Variants in PPP2R2B observed in about 807,000 individuals in gnomAD.
PPP2R2B encodes the protein serine/threonine-protein phosphatase 2A 55 kDa regulatory subunit B beta isoform.
PPP2R2B carries 5 observed loss-of-function variants against 46.0 expected under a neutral mutation model. That is an observed-to-expected ratio of 0.11 (90% confidence interval 0.06 to 0.23). The LOEUF (loss-of-function observed/expected upper bound fraction) is 0.23. Among genes scored for constraint, PPP2R2B ranks in the 10% least tolerant of loss-of-function variants. The pLI is 1.00. For missense variants in PPP2R2B, 367 were observed against 575.0 expected, an observed-to-expected ratio of 0.64 and a Z score of 3.70; for synonymous variants, 215 against 206.7, an observed-to-expected ratio of 1.04 and a Z score of -0.34.
intron 5 of PPP2R2B, among the ~76,000 whole-genome samples, chr5:146,669,055 T>C (rs931814909): frequency 6.6e-6 from 1 of 152,186 alleles, no homozygotes. Flanking sequence ...AAGGGAAAAC[T>C]AATCATAGAG....
intron 6 of PPP2R2B, among the ~76,000 whole-genome samples, chr5:146,647,506 G>C (rs1382155326): frequency 6.6e-6 from 1 of 152,200 alleles, no homozygotes; most frequent in Non-Finnish European, 1.5e-5. Flanking sequence ...TTCTCATGAT[G>C]ACAATGATTA....
At chr5:147,058,073 G>A (rs7724608), upstream of PPP2R2B, among the ~76,000 whole-genome samples, 82,421 of 151,864 alleles carry the variant, frequency 0.54, 23,020 homozygotes, top group Middle Eastern at 0.67. Context: ...AACTCTTGAG[G>A]GGGAGATCAA....
At chr5:146,974,931 C>T (rs778436538) in intron 1 of PPP2R2B, among the ~76,000 whole-genome samples, 1 of 152,046 alleles carries the variant, frequency 6.6e-6, no homozygotes, top group Non-Finnish European at 1.5e-5. Flanking sequence ...CCTCGTGATC[C>T]GCCCACCTCT....
intron 1 of PPP2R2B, among the ~76,000 whole-genome samples, chr5:146,955,383 A>G (rs1446899455): frequency 6.6e-6 from 1 of 152,200 alleles, no homozygotes; most frequent in Non-Finnish European, 1.5e-5. Context: ...GGTAATGCCA[A>G]TGCCTAGACT....
intron 1 of PPP2R2B, among the ~76,000 whole-genome samples, chr5:147,017,816 A>G (rs567225922): frequency 6.6e-6 from 1 of 152,280 alleles, no homozygotes; most frequent in African/African-American, 2.4e-5. Context: ...AGATGATGTC[A>G]TGTAAACAAA....
intron 1 of PPP2R2B, among the ~76,000 whole-genome samples, chr5:146,905,354 C>T (rs1762962904): frequency 6.6e-6 from 1 of 152,126 alleles, no homozygotes. Flanking sequence ...AAAGCATGTC[C>T]ACACAAACAT....
chr5:146,799,283 AAGAC>A (rs1174749537), intron 2 of PPP2R2B, among the ~76,000 whole-genome samples: 1 of 152,236 alleles, frequency 6.6e-6, no homozygotes. Context: ...TTTTAACAGA[AAGAC>A]AGAAAGAGAA....
At chr5:146,952,570 C>T (rs2151836478) in intron 1 of PPP2R2B, among the ~76,000 whole-genome samples, 1 of 152,254 alleles carries the variant, frequency 6.6e-6, no homozygotes, top group African/African-American at 2.4e-5. Context: ...CTGCCCAGTT[C>T]CAACCCTTTC....
At chr5:146,772,561 C>T (rs1022316041) in intron 2 of PPP2R2B, among the ~76,000 whole-genome samples, 1 of 151,626 alleles carries the variant, frequency 6.6e-6, no homozygotes, top group Non-Finnish European at 1.5e-5. Flanking sequence ...TTCTGTGTTT[C>T]CATGTTTATA....
intron 5 of PPP2R2B, among the ~76,000 whole-genome samples, chr5:146,668,187 G>A (rs1178161272): frequency 1.3e-5 from 2 of 151,608 alleles, no homozygotes; most frequent in Non-Finnish European, 2.9e-5. Context: ...TAAAGAAAAC[G>A]ATTAATTCTC....
intron 1 of PPP2R2B, among the ~76,000 whole-genome samples, chr5:146,964,355 A>G (rs1193692706): frequency 3.9e-5 from 6 of 152,232 alleles, no homozygotes; most frequent in Admixed American, 3.9e-4. Flanking sequence ...TGGGAGATTT[A>G]TGATAAACAT....
At chr5:146,689,156 A>G (rs1778680298) in intron 5 of PPP2R2B, among the ~76,000 whole-genome samples, 1 of 152,186 alleles carries the variant, frequency 6.6e-6, no homozygotes, top group Non-Finnish European at 1.5e-5. Flanking sequence ...GAAGGGAACT[A>G]ACATCATTGA....
At position 147,023,414 on chromosome 5, in the gene PPP2R2B, T is replaced by C. The variant is rs564421127; in HGVS notation, c.79+32251A>G. Among the ~76,000 whole-genome samples the C allele has an allele frequency of 3.3e-5, 5 of 152,224 alleles. No individual in the cohort carries two copies. The East Asian group carries it at 9.7e-4, about 29-fold the overall frequency. On this transcript the variant is annotated intron_variant, in intron 1 of 8. Coordinates refer to the PPP2R2B transcript ENST00000336640. ...CAAGATGGTAAATTTAAAAATGGAA[T>C]GAGCTCACCAATTAAAAAGCGTAGA...
intron 2 of PPP2R2B, among the ~76,000 whole-genome samples, chr5:146,799,852 T>C (rs1248916499): frequency 1.3e-5 from 2 of 152,198 alleles, no homozygotes; most frequent in East Asian, 3.9e-4. Context: ...AGGCCATTTG[T>C]TTTACAACAA....
intron 1 of PPP2R2B, among the ~76,000 whole-genome samples, chr5:146,936,223 C>T (rs778862925): frequency 1.3e-5 from 2 of 152,056 alleles, no homozygotes; most frequent in Non-Finnish European, 2.9e-5. Flanking sequence ...TTAGCCCTAT[C>T]CTTTGTTTCA....
At chr5:146,750,317 A>G (rs1937157812) in intron 2 of PPP2R2B, among the ~76,000 whole-genome samples, 1 of 152,166 alleles carries the variant, frequency 6.6e-6, no homozygotes, top group South Asian at 2.1e-4. Context: ...GAATAATCAG[A>G]TCTGTATTTA....
intron 6 of PPP2R2B, among the ~76,000 whole-genome samples, chr5:146,647,633 T>C (rs1005515343): frequency 6.6e-6 from 1 of 152,124 alleles, no homozygotes; most frequent in Non-Finnish European, 1.5e-5. Context: ...TATTTCCCCT[T>C]TGCATTCTCC....
intron 1 of PPP2R2B, among the ~76,000 whole-genome samples, chr5:146,951,562 C>A (rs981485223): frequency 6.6e-6 from 1 of 152,066 alleles, no homozygotes; most frequent in Non-Finnish European, 1.5e-5. Context: ...TCCCTGAGTT[C>A]ATGTGTTCTC....
chr5:146,990,186 C>T (rs951765661), intron 1 of PPP2R2B, among the ~76,000 whole-genome samples: 2 of 151,500 alleles, frequency 1.3e-5, no homozygotes, highest in African/African-American at 2.4e-5. Context: ...AGTGCAATTT[C>T]TGTCAAAATA....
Sources: gnomAD v4.1 joint callset for allele counts (sites outside exome capture counted in the v4.1 genomes callset) on GRCh38, gnomAD v4.1.1 for gene constraint, MANE v1.5 for transcripts, NCBI Gene and HGNC (gene_info 2026-07-23, HGNC 2026-07-21) for gene names.